Variants in SPHKAP observed in about 807,000 individuals in gnomAD.
The protein encoded by SPHKAP is SPHK1 interactor, AKAP domain containing.
A neutral mutation model predicts 137.5 loss-of-function variants in SPHKAP; 67 were observed. The observed-to-expected ratio is 0.49, with a 90% CI of 0.40 to 0.60. The LOEUF (loss-of-function observed/expected upper bound fraction) is 0.60, where lower values mean the gene tolerates loss of function less well. Among genes scored for constraint, SPHKAP ranks in the 20% least tolerant of loss-of-function variants. The probability of loss-of-function intolerance (pLI) is 0.00; values close to 1 mark genes in which losing one functional copy is unlikely to be tolerated. For missense variants in SPHKAP, 2,097 were observed against 2,069.3 expected, an observed-to-expected ratio of 1.01 and a Z score of -0.26; for synonymous variants, 813 against 785.3, an observed-to-expected ratio of 1.04 and a Z score of -0.59.
chr2:228,098,513 C>CA lies in SPHKAP; in HGVS notation c.246+10318dup, dbSNP rs956711450. 4.0e-5 allele frequency among the ~76,000 whole-genome samples: 6 copies of CA among 150,008 alleles called. No individual in the cohort carries two copies. The South Asian group carries it at 1.1e-3, about 26-fold the overall frequency. ...CATTCTCAGCAAACTATCACAAGGA[C>CA]AAAAAACCAAACACTGCATGTTCTC... On this transcript the variant is annotated intron_variant, in intron 3 of 11. Transcript: ENST00000392056.
At chr2:228,150,467 G>A (rs4422149) in intron 1 of SPHKAP, among the ~76,000 whole-genome samples, 51,737 of 151,854 alleles carry the variant, frequency 0.34, 9,052 homozygotes, top group East Asian at 0.5. Context: ...TAGACTATTC[G>A]TGGTTTCCAT....
At chr2:228,066,627 G>T (rs772819075) in intron 3 of SPHKAP, among the ~76,000 whole-genome samples, 1 of 152,214 alleles carries the variant, frequency 6.6e-6, no homozygotes, top group African/African-American at 2.4e-5. Flanking sequence ...GGGCAGTGGA[G>T]CCAGGGCCCA....
At chr2:228,180,615 C>A (rs1182629845) in intron 1 of SPHKAP, among the ~76,000 whole-genome samples, 2 of 152,166 alleles carry the variant, frequency 1.3e-5, no homozygotes, top group African/African-American at 4.8e-5. Context: ...GGTGGGGCTG[C>A]GCCGCAGCCA....
chr2:228,063,835 C>A (rs1308592326), intron 3 of SPHKAP, among the ~76,000 whole-genome samples: 2 of 152,184 alleles, frequency 1.3e-5, no homozygotes, highest in African/African-American at 4.8e-5. Flanking sequence ...TACAGGAATG[C>A]ATTATTTCAG....
chr2:228,120,887 T>C (rs1387879932), intron 2 of SPHKAP, among the ~76,000 whole-genome samples: 1 of 152,172 alleles, frequency 6.6e-6, no homozygotes, highest in Admixed American at 6.6e-5. Context: ...TTATGAATGA[T>C]CAGCAATGGT....
chr2:228,132,098 C>G lies in SPHKAP; in HGVS notation c.33-13G>C. The G allele has an allele frequency of 1.2e-6, 2 of 1,605,436 alleles. No individual in the cohort carries two copies. Among genetic ancestry groups the G allele is most frequent in the Non-Finnish European group, 1.7e-6 (2 of 1,173,266 alleles). On this transcript the variant is annotated splice_polypyrimidine_tract_variant and intron_variant, in intron 1 of 11. Coordinates refer to ENST00000392056, the MANE Select transcript of SPHKAP (RefSeq NM_001142644.2). ...TGACTCCAAGTTGCTGTTTGTGACC[C>G]AAAACACAAAAACACATTCCAGTGA...
chr2:228,123,505 G>T (rs1002351147), intron 2 of SPHKAP, among the ~76,000 whole-genome samples: 2 of 152,134 alleles, frequency 1.3e-5, no homozygotes, highest in African/African-American at 4.8e-5. Context: ...TATACTTAAA[G>T]TCCTTGCTTC....
rs373199036 is a variant in SPHKAP, at chr2:228,024,943, C to A, written c.441+451G>T. Among the ~76,000 whole-genome samples, 104 of 152,228 alleles carry A rather than the reference C, an allele frequency of 6.8e-4. 1 individual carries two copies. Among genetic ancestry groups the A allele is most frequent in the Middle Eastern group, 3.4e-3 (1 of 294 alleles). On this transcript the variant is annotated intron_variant, in intron 5 of 11. Coordinates refer to ENST00000392056, the MANE Select transcript of SPHKAP (RefSeq NM_001142644.2). ...TATTGGGCCCAAGACACTCTCTTTC[C>A]ATCCTTGAAGCTGCCATCCTGGATT... is the stretch of plus-strand genomic sequence containing the variant.
At chr2:228,157,921 A>G (rs1700154444) in intron 1 of SPHKAP, among the ~76,000 whole-genome samples, 1 of 152,182 alleles carries the variant, frequency 6.6e-6, no homozygotes, top group Non-Finnish European at 1.5e-5. Context: ...CAAGTTTTAG[A>G]TAGTTTTACT....
At chr2:228,051,037 C>T (rs1313789533) in intron 3 of SPHKAP, among the ~76,000 whole-genome samples, 1 of 151,998 alleles carries the variant, frequency 6.6e-6, no homozygotes, top group African/African-American at 2.4e-5. Context: ...AACTCCTGGG[C>T]CCAAGCAATC....
At chr2:228,089,842 T>A (rs974034519) in intron 3 of SPHKAP, among the ~76,000 whole-genome samples, 1 of 152,164 alleles carries the variant, frequency 6.6e-6, no homozygotes, top group African/African-American at 2.4e-5. Flanking sequence ...GTGCACAGAA[T>A]GCAACAGTGA....
At chr2:228,137,082 A>G (rs1699457548) in intron 1 of SPHKAP, among the ~76,000 whole-genome samples, 1 of 151,814 alleles carries the variant, frequency 6.6e-6, no homozygotes, top group African/African-American at 2.4e-5. Flanking sequence ...CCACCCACAT[A>G]TTCCCACCCC....
At chr2:228,104,833 A>G (rs1188470971) in intron 3 of SPHKAP, among the ~76,000 whole-genome samples, 1 of 152,238 alleles carries the variant, frequency 6.6e-6, no homozygotes, top group Non-Finnish European at 1.5e-5. Context: ...GAATAGAAAT[A>G]ATGTGAATGG....
At chr2:228,068,446 A>C (rs1240335429) in intron 3 of SPHKAP, among the ~76,000 whole-genome samples, 1 of 152,198 alleles carries the variant, frequency 6.6e-6, no homozygotes, top group East Asian at 1.9e-4. Context: ...CAAAAGAACA[A>C]AACTGGAGAC....
chr2:228,108,966 C>A, intron 2 of SPHKAP, 27 bp from the exon 3 acceptor site: 1 of 1,464,660 alleles, frequency 6.8e-7, no homozygotes, highest in African/African-American at 1.4e-5. Flanking sequence ...AAACTCAGTT[C>A]TTATTCGGCA....
intron 3 of SPHKAP, among the ~76,000 whole-genome samples, chr2:228,087,919 A>G (rs1377150061): frequency 2.0e-5 from 3 of 152,202 alleles, no homozygotes; most frequent in African/African-American, 7.2e-5. Context: ...TGAAAAATGC[A>G]TAGTTTTCTT....
intron 1 of SPHKAP, among the ~76,000 whole-genome samples, chr2:228,149,664 T>G (rs922423531): frequency 6.6e-6 from 1 of 152,182 alleles, no homozygotes; most frequent in Non-Finnish European, 1.5e-5. Flanking sequence ...TTTTTTTAGA[T>G]TTATTCCTAG....
At chr2:228,101,630 C>T (rs968802918) in intron 3 of SPHKAP, among the ~76,000 whole-genome samples, 1 of 152,126 alleles carries the variant, frequency 6.6e-6, no homozygotes, top group East Asian at 1.9e-4. Flanking sequence ...GAGGTAAATA[C>T]AATTATTATC....
rs556168495 is a variant in SPHKAP, at chr2:228,049,174, G to A, written c.247-21631C>T. Among the ~76,000 whole-genome samples the A allele has an allele frequency of 9.9e-5, 15 of 152,272 alleles. No individual in the cohort carries two copies. In the South Asian group the frequency reaches 3.1e-3, roughly 32 times the overall value. On this transcript the variant is annotated intron_variant, in intron 3 of 11. Transcript: ENST00000392056. Reference sequence around the variant, plus strand: ...GGTTTAAACACATACAGCTTACAAAGTCTAAAACACAGGAAGTGCTCAATG... The same window carrying A: ...GGTTTAAACACATACAGCTTACAAAATCTAAAACACAGGAAGTGCTCAATG...
Sources: allele counts gnomAD v4.1 joint callset (sites outside exome capture counted in the v4.1 genomes callset), GRCh38; gene constraint gnomAD v4.1.1; transcripts MANE v1.5; gene names NCBI Gene and HGNC (gene_info 2026-07-23, HGNC 2026-07-21).